Variants in GSG1L observed in about 807,000 individuals in gnomAD.
GSG1L encodes the protein GSG1 like.
In GSG1L, 24 loss-of-function variants were observed where a neutral mutation model predicts 42.1. That is an observed-to-expected ratio of 0.57 (90% confidence interval 0.41 to 0.80). The LOEUF is 0.80. Ranked by LOEUF, GSG1L falls within the 30% of genes least tolerant of loss-of-function variation. The pLI is 0.00. For missense variants in GSG1L, 445 were observed against 472.2 expected, an observed-to-expected ratio of 0.94 and a Z score of 0.53; for synonymous variants, 215 against 203.5, an observed-to-expected ratio of 1.06 and a Z score of -0.48.
In GSG1L at chr16:27,828,870, T is replaced by C; in HGVS notation, c.749A>G (p.His250Arg). Residue 250 changes from histidine (H) to arginine (R), a missense_variant, in exon 5 of 7, where the codon CAC (histidine) becomes CGC (arginine). Coordinates refer to ENST00000447459, the MANE Select transcript of GSG1L (RefSeq NM_001109763.2). ...SYTKTVIEFR[H>R]KRKVFEQGYR... Reference sequence around the variant, plus strand: ...GCCCTGCTCAAAGACCTTGCGCTTGTGCCGGAACTCAATGACCGTCTTGGT... The same window carrying C: ...GCCCTGCTCAAAGACCTTGCGCTTGCGCCGGAACTCAATGACCGTCTTGGT... The C allele has an allele frequency of 6.2e-7, 1 of 1,614,196 alleles. No individual in the cohort carries two copies. The highest frequency in any genetic ancestry group is 8.5e-7 in the Non-Finnish European group (1 of 1,180,032).
rs141929673 is a variant in GSG1L at position 28,026,884 on chromosome 16, C to G, written c.349+36192G>C. On this transcript the variant is annotated intron_variant, in intron 1 of 6. Coordinates refer to ENST00000447459, the MANE Select transcript of GSG1L (RefSeq NM_001109763.2). ...ATCACTTGAGGCCAGGAGTTCGAGA[C>G]CAGCCTGGCGAACATGGTGAAACTC... Among the ~76,000 whole-genome samples, 4 of 152,250 alleles carry G rather than the reference C, an allele frequency of 2.6e-5. No individual in the cohort carries two copies. The East Asian group carries it at 7.7e-4, about 29-fold the overall frequency.
intron 3 of GSG1L, among the ~76,000 whole-genome samples, chr16:27,869,109 G>C (rs1336621933): frequency 6.6e-6 from 1 of 151,956 alleles, no homozygotes; most frequent in Non-Finnish European, 1.5e-5. Flanking sequence ...TCCTCCCAGA[G>C]CTGGGGGTCT....
At chr16:27,792,425 C>A (rs923752429) in intron 6 of GSG1L, among the ~76,000 whole-genome samples, 2 of 152,170 alleles carry the variant, frequency 1.3e-5, no homozygotes, top group African/African-American at 4.8e-5. Context: ...CACTCTCACT[C>A]CTTCGTGTTT....
intron 1 of GSG1L, among the ~76,000 whole-genome samples, chr16:27,992,537 G>A (rs7188624): frequency 0.66 from 99,741 of 150,808 alleles, 34,167 homozygotes; most frequent in East Asian, 0.85. Context: ...TGGGTGTGGG[G>A]AGCTACTGTC....
chr16:27,834,353 C>T (rs2083301392), intron 4 of GSG1L, among the ~76,000 whole-genome samples: 1 of 151,870 alleles, frequency 6.6e-6, no homozygotes, highest in East Asian at 1.9e-4. Context: ...TATTGTTTTG[C>T]TAAGGATTTT....
rs146553655 is a variant in GSG1L at position 27,927,223 on chromosome 16, C to T, written c.397+35933G>A. On this transcript the variant is annotated intron_variant, in intron 2 of 6. Transcript: ENST00000447459. ...GGAGTGCAGTGGTGTGAACACAGCT[C>T]ACTGCAGCCTCGACTTCCCAGGCTC... is the stretch of plus-strand genomic sequence containing the variant. Among the ~76,000 whole-genome samples the T allele has an allele frequency of 7.9e-5, 12 of 152,222 alleles. No homozygotes were observed. In the East Asian group the frequency reaches 2.3e-3, roughly 29 times the overall value.
At chr16:27,833,214 C>T (rs1178205835) in intron 4 of GSG1L, among the ~76,000 whole-genome samples, 1 of 152,142 alleles carries the variant, frequency 6.6e-6, no homozygotes, top group Non-Finnish European at 1.5e-5. Flanking sequence ...GTTGAAAAGG[C>T]CATTCCCTGC....
chr16:27,896,003 T>C (rs79530877), intron 2 of GSG1L, among the ~76,000 whole-genome samples: 2,861 of 152,270 alleles, frequency 0.019, 85 homozygotes, highest in African/African-American at 0.064. Context: ...AGCGTCAGCA[T>C]TCCCTGGGAC....
chr16:27,888,444 CTTTCTTTCTTTCTT>C (rs1255714901), intron 2 of GSG1L, among the ~76,000 whole-genome samples: 26 of 24,302 alleles, frequency 1.1e-3, no homozygotes, highest in South Asian at 8.1e-3. Context: ...TTCTTTCTTT[CTTTCTTTCTTTCTT>C]TCTTTCTCTC....
At chr16:27,844,601 A>G (rs771455555) in intron 4 of GSG1L, among the ~76,000 whole-genome samples, 7 of 152,254 alleles carry the variant, frequency 4.6e-5, no homozygotes, top group Non-Finnish European at 8.8e-5. Flanking sequence ...CTGTGTTCCA[A>G]GAAAACCTTA....
At chr16:27,868,100 T>TG (rs57653093) in intron 3 of GSG1L, among the ~76,000 whole-genome samples, 2,533 of 152,358 alleles carry the variant, frequency 0.017, 68 homozygotes, top group African/African-American at 0.058. Flanking sequence ...GCCCTGTGCC[T>TG]GGGGCCAGGC....
At chr16:27,893,903 C>T (rs1040701100) in intron 2 of GSG1L, among the ~76,000 whole-genome samples, 1 of 152,200 alleles carries the variant, frequency 6.6e-6, no homozygotes, top group Admixed American at 6.5e-5. Flanking sequence ...CAAGCATGCA[C>T]CACTACATGC....
intron 2 of GSG1L, among the ~76,000 whole-genome samples, chr16:27,910,365 A>T (rs1056759873): frequency 2.0e-5 from 3 of 152,230 alleles, no homozygotes; most frequent in African/African-American, 7.2e-5. Flanking sequence ...GAGTATTTAT[A>T]AAGTACTTAC....
At chr16:28,017,017 T>C (rs935824902) in intron 1 of GSG1L, among the ~76,000 whole-genome samples, 25 of 152,194 alleles carry the variant, frequency 1.6e-4, no homozygotes, top group Admixed American at 1.5e-3. Flanking sequence ...GGGAGAGAGA[T>C]TGGATGCTGA....
chr16:27,848,996 A>C (rs1468435031), intron 3 of GSG1L, among the ~76,000 whole-genome samples: 1 of 151,990 alleles, frequency 6.6e-6, no homozygotes, highest in Non-Finnish European at 1.5e-5. Flanking sequence ...AGGGGTTCGA[A>C]ACCAGCCTGA....
At chr16:27,975,006 G>C (rs2085235194) in intron 1 of GSG1L, among the ~76,000 whole-genome samples, 1 of 152,094 alleles carries the variant, frequency 6.6e-6, no homozygotes, top group African/African-American at 2.4e-5. Context: ...AGCCATAGAG[G>C]AGGAGCTGCC....
intron 1 of GSG1L, among the ~76,000 whole-genome samples, chr16:28,009,513 C>T (rs1179826007): frequency 6.6e-6 from 1 of 152,258 alleles, no homozygotes; most frequent in Non-Finnish European, 1.5e-5. Context: ...CCCTGTATCA[C>T]TCACCACTGA....
intron 2 of GSG1L, among the ~76,000 whole-genome samples, chr16:27,920,508 C>T (rs952592472): frequency 6.6e-6 from 1 of 152,256 alleles, no homozygotes; most frequent in African/African-American, 2.4e-5. Flanking sequence ...TCTCTTTTAT[C>T]ATCTTCCCTG....
intron 1 of GSG1L, among the ~76,000 whole-genome samples, chr16:27,971,501 C>A (rs2085192844): frequency 6.6e-6 from 1 of 152,172 alleles, no homozygotes; most frequent in Non-Finnish European, 1.5e-5. Context: ...ATCTTGTAAA[C>A]TGCAATCTTG....
Sources: gnomAD v4.1 joint callset for allele counts (sites outside exome capture counted in the v4.1 genomes callset) on GRCh38, gnomAD v4.1.1 for gene constraint, MANE v1.5 for transcripts, NCBI Gene and HGNC (gene_info 2026-07-23, HGNC 2026-07-21) for gene names.